SHC4: variants seen among roughly 807,000 people sequenced by gnomAD.
SHC4 encodes SHC-transforming protein 4.
In SHC4, 41 loss-of-function variants were observed where a neutral mutation model predicts 69.4. The observed-to-expected ratio is 0.59, with a 90% CI of 0.46 to 0.77. SHC4 has a LOEUF of 0.77. Among genes scored for constraint, SHC4 ranks in the 30% least tolerant of loss-of-function variants. The pLI is 0.00. For synonymous variants in SHC4, 318 were observed against 299.3 expected, an observed-to-expected ratio of 1.06 and a Z score of -0.64; for missense variants, 777 against 783.8, an observed-to-expected ratio of 0.99 and a Z score of 0.10.
rs1899592823 is a variant in SHC4 at position 48,867,841 on chromosome 15, G to C, written c.923C>G (p.Ala308Gly). 6.2e-7 allele frequency: 1 copy of C among 1,613,600 alleles called. No homozygotes were observed. Among genetic ancestry groups the C allele is most frequent in the Non-Finnish European group, 8.5e-7 (1 of 1,179,722 alleles). Residue 308 changes from alanine (A) to glycine (G), a missense_variant, in exon 6 of 12, where the codon GCT becomes GGT. Ala to Gly is a moderately conservative substitution (Grantham distance 60, BLOSUM62 0). Transcript: ENST00000332408. The stretch of plus-strand genomic sequence containing the variant: ...ACCTCGTTGATTAACTGGATCTTTA[G>C]CTACGTAGGCAACATAGTCTGTAGT... ...PDTTDYVAYV[A>G]KDPVNQRACH...
chr15:48,863,138 TA>T (rs1229275077), intron 6 of SHC4, among the ~76,000 whole-genome samples: 1 of 151,474 alleles, frequency 6.6e-6, no homozygotes. Context: ...AGGTTTTGGA[TA>T]TTTTTTCTTT....
At chr15:48,913,457 A>AG (rs1900549956) in intron 2 of SHC4, among the ~76,000 whole-genome samples, 1 of 152,074 alleles carries the variant, frequency 6.6e-6, no homozygotes, top group Non-Finnish European at 1.5e-5. Context: ...TCTCCCCAAT[A>AG]GCCCCCAGTC....
chr15:48,843,306 T>G, intron 10 of SHC4, 103 bp downstream of exon 10: 1 of 1,177,652 alleles, frequency 8.5e-7, no homozygotes, highest in Non-Finnish European at 1.2e-6. Context: ...CACTTTGATT[T>G]TGGACTTCTG....
rs2304547 is a variant in SHC4 at position 48,824,196 on chromosome 15, A to G, written c.*1775T>C. On this transcript the variant is annotated 3_prime_UTR_variant, in exon 12 of 12. Transcript: ENST00000332408. ...AATACATTAATTCTAGTTGTGTAAG[A>G]GGAAACAAATCCATCTAAAAAATTA... is the stretch of plus-strand genomic sequence containing the variant. 55,434 of 152,062 alleles carry G rather than the reference A, an allele frequency of 0.36. 11,114 individuals carry two copies. Among genetic ancestry groups the G allele is most frequent in the Middle Eastern group, 0.48 (141 of 292 alleles). The allele number at this position is 152,062 out of a possible 1,614,324, so 9.4% of individuals were successfully genotyped here.
intron 9 of SHC4, among the ~76,000 whole-genome samples, chr15:48,843,809 GC>G (rs1340740476): frequency 1.3e-5 from 2 of 152,086 alleles, no homozygotes; most frequent in Non-Finnish European, 2.9e-5. Context: ...CTCGGGCCCA[GC>G]CCTCAGCTGA....
intron 2 of SHC4, among the ~76,000 whole-genome samples, chr15:48,892,862 T>C (rs199661828): frequency 0.027 from 2,096 of 77,618 alleles, 76 homozygotes; most frequent in African/African-American, 0.12. Context: ...AAACTCCGTC[T>C]CAAAAAAAAA....
intron 2 of SHC4, among the ~76,000 whole-genome samples, chr15:48,917,605 C>G (rs1900650793): frequency 6.6e-6 from 1 of 152,012 alleles, no homozygotes; most frequent in Non-Finnish European, 1.5e-5. Flanking sequence ...CCAGAATCAG[C>G]CAAGGGGATG....
At chr15:48,856,979 T>G (rs1899331827) in intron 7 of SHC4, among the ~76,000 whole-genome samples, 1 of 151,962 alleles carries the variant, frequency 6.6e-6, no homozygotes, top group Non-Finnish European at 1.5e-5. Context: ...TAAAAGGAGA[T>G]CTCCAAACCT....
chr15:48,841,608 G>T (rs1454162858), intron 10 of SHC4, among the ~76,000 whole-genome samples: 2 of 152,182 alleles, frequency 1.3e-5, no homozygotes, highest in Middle Eastern at 3.2e-3. Flanking sequence ...CCCAATGTAG[G>T]ACAACTCCGA....
At chr15:48,867,444 C>T (rs147265568) in intron 6 of SHC4, among the ~76,000 whole-genome samples, 1 of 152,098 alleles carries the variant, frequency 6.6e-6, no homozygotes, top group East Asian at 1.9e-4. Flanking sequence ...CACACACAGA[C>T]ACACACACAC....
At chr15:48,955,573 A>G (rs113930602) in intron 1 of SHC4, among the ~76,000 whole-genome samples, 49 of 152,170 alleles carry the variant, frequency 3.2e-4, no homozygotes, top group Admixed American at 2.6e-4. Flanking sequence ...CTGGCCCAAC[A>G]TGGACACACT....
intron 5 of SHC4, among the ~76,000 whole-genome samples, chr15:48,869,538 G>A (rs1899626813): frequency 1.3e-5 from 2 of 152,096 alleles, no homozygotes; most frequent in Admixed American, 6.5e-5. Context: ...CAGGACCTGC[G>A]CTAACACTAA....
At chr15:48,843,774 CCCTTTCA>C (rs1346897890) in intron 9 of SHC4, among the ~76,000 whole-genome samples, 186 bp from the exon 10 acceptor site, 4 of 152,276 alleles carry the variant, frequency 2.6e-5, no homozygotes, top group African/African-American at 9.6e-5. Flanking sequence ...GGGAAAGCCA[CCCTTTCA>C]CTGGGCTTCT....
intron 6 of SHC4, among the ~76,000 whole-genome samples, chr15:48,863,198 G>C (rs557110091): frequency 2.5e-4 from 38 of 151,602 alleles, no homozygotes; most frequent in African/African-American, 9.0e-4. Flanking sequence ...AAACAAAAAG[G>C]CACCAAGAAG....
Position 48,864,436 on chromosome 15 carries a change from CTTTTTTTTTTTTTT to C in SHC4, c.946+3368_946+3381del, listed in dbSNP as rs35549079. Among the ~76,000 whole-genome samples the C allele has an allele frequency of 6.5e-3, 359 of 55,082 alleles. 2 individuals carry two copies. Among genetic ancestry groups the C allele is most frequent in the African/African-American group, 0.024 (345 of 14,264 alleles). 36.1% of individuals were successfully genotyped at this position (55,082 alleles called of 152,430 possible). On this transcript the variant is annotated intron_variant, in intron 6 of 11. Coordinates refer to ENST00000332408, the MANE Select transcript of SHC4 (RefSeq NM_203349.4). ...TGCTTTCCAATACCAATACCACTTT[CTTTTTTTTTTTTTT>C]TTTTTTTTTTTTTTTGAGACAGAGT...
In SHC4 at chr15:48,824,617, T is replaced by C. The variant is rs935180223; in HGVS notation, c.*1354A>G. The C allele has an allele frequency of 2.0e-5, 3 of 152,198 alleles. No individual in the cohort carries two copies. The highest frequency in any genetic ancestry group is 2.9e-5 in the Non-Finnish European group (2 of 68,038). The allele number at this position is 152,198 out of a possible 1,614,324, so 9.4% of individuals were successfully genotyped here. A position where few individuals can be genotyped will look rare whatever the true frequency, so the allele number is the denominator to read the frequency against. On this transcript the variant is annotated 3_prime_UTR_variant, in exon 12 of 12. Transcript: ENST00000332408. ...ATTCTGTGAGTATGGACACAGACTA[T>C]AGAAGAAAAGCTTAATTTTTTACCT...
chr15:48,856,637 T>A (rs889420754), intron 7 of SHC4, among the ~76,000 whole-genome samples: 4 of 151,978 alleles, frequency 2.6e-5, no homozygotes, highest in Non-Finnish European at 4.4e-5. Flanking sequence ...GTACATGGGA[T>A]TAACACAGAA....
intron 1 of SHC4, among the ~76,000 whole-genome samples, chr15:48,959,457 A>G (rs190837237): frequency 2.0e-4 from 31 of 152,344 alleles, no homozygotes; most frequent in African/African-American, 7.5e-4. Context: ...TTCATAATAC[A>G]TATTTGTTAA....
chr15:48,919,096 T>TA (rs1567069843), intron 2 of SHC4, among the ~76,000 whole-genome samples: 21 of 151,608 alleles, frequency 1.4e-4, no homozygotes, highest in Non-Finnish European at 2.9e-5. Context: ...TTTCAAGACC[T>TA]CCCTGGATAA....
Sources: allele counts gnomAD v4.1 joint callset (sites outside exome capture counted in the v4.1 genomes callset), GRCh38; gene constraint gnomAD v4.1.1; transcripts MANE v1.5; gene names NCBI Gene and HGNC (gene_info 2026-07-23, HGNC 2026-07-21).